The following PRKCE variants were observed in gnomAD, a reference collection of about 807,000 sequenced individuals.
PRKCE encodes the protein protein kinase C epsilon, also known as protein kinase C epsilon type.
In PRKCE, 16 loss-of-function variants were observed where a neutral mutation model predicts 85.4. That is an observed-to-expected ratio of 0.19 (90% CI 0.13 to 0.28). The LOEUF (loss-of-function observed/expected upper bound fraction) is 0.28. PRKCE is among the 10% of genes least tolerant of loss of function. PRKCE has a pLI of 1.00. For missense variants in PRKCE, 573 were observed against 975.2 expected (o/e 0.59, Z 5.49); for synonymous variants, 388 against 371.5 (o/e 1.04, Z -0.51).
rs147819871 is a variant in PRKCE at position 45,840,801 on chromosome 2, G to T, written c.349-2199G>T. ...TCCTGGATTGTGTGTGGGGTGAGAC[G>T]TTGGGAGAGTTTGGAGAACACCATT... On this transcript the variant is annotated intron_variant, in intron 1 of 14. Coordinates refer to ENST00000306156, the MANE Select transcript of PRKCE (RefSeq NM_005400.3). Among the ~76,000 whole-genome samples the T allele has an allele frequency of 3.3e-3, 504 of 152,318 alleles. 1 individual carries two copies. The highest frequency in any genetic ancestry group is 0.012 in the African/African-American group (479 of 41,560).
intron 10 of PRKCE, among the ~76,000 whole-genome samples, chr2:46,085,356 C>T (rs1215468721): frequency 6.6e-6 from 1 of 152,210 alleles, no homozygotes; most frequent in Non-Finnish European, 1.5e-5. Context: ...ACATTGCAAT[C>T]TATTGGTCTC....
intron 1 of PRKCE, among the ~76,000 whole-genome samples, chr2:45,825,876 A>C (rs993081697): frequency 6.6e-6 from 1 of 152,144 alleles, no homozygotes; most frequent in Non-Finnish European, 1.5e-5. Flanking sequence ...CAACAGAGCA[A>C]GATCCTATTT....
chr2:45,922,529 A>G lies in PRKCE; in HGVS notation c.413-53900A>G, dbSNP rs149159904. Among the ~76,000 whole-genome samples, 3 of 152,204 alleles carry G rather than the reference A, an allele frequency of 2.0e-5. No homozygotes were observed. In the East Asian group the frequency reaches 5.8e-4, roughly 29 times the overall value. On this transcript the variant is annotated intron_variant, in intron 2 of 14. Coordinates refer to ENST00000306156, the MANE Select transcript of PRKCE (RefSeq NM_005400.3). ...GTGCCTCATTTTGAATTCTTCCTTTAACTTTTGGATGACCCGCCACCTGCT... is the reference window on the plus strand; with the variant it reads ...GTGCCTCATTTTGAATTCTTCCTTTGACTTTTGGATGACCCGCCACCTGCT...
intron 4 of PRKCE, 56 bp downstream of exon 4, chr2:45,979,066 T>TAGGA: frequency 6.5e-7 from 1 of 1,535,006 alleles, no homozygotes; most frequent in Non-Finnish European, 8.9e-7. Context: ...TCCAGATCAC[T>TAGGA]GGCACCCATA....
intron 13 of PRKCE, among the ~76,000 whole-genome samples, chr2:46,158,217 G>T (rs1677408095): frequency 6.6e-6 from 1 of 152,192 alleles, no homozygotes; most frequent in African/African-American, 2.4e-5. Flanking sequence ...CAACAGAGGA[G>T]GGAATGTGGG....
intron 10 of PRKCE, among the ~76,000 whole-genome samples, chr2:46,038,773 T>C (rs1271826613): frequency 6.6e-6 from 1 of 151,674 alleles, no homozygotes; most frequent in African/African-American, 2.4e-5. Context: ...TAGCCATGCT[T>C]TATAATGATA....
At chr2:45,936,850 A>G (rs1699499415) in intron 2 of PRKCE, among the ~76,000 whole-genome samples, 1 of 152,130 alleles carries the variant, frequency 6.6e-6, no homozygotes, top group African/African-American at 2.4e-5. Context: ...AACCTACCGC[A>G]GGTATGTGTT....
intron 10 of PRKCE, among the ~76,000 whole-genome samples, chr2:46,055,240 A>G (rs922913217): frequency 1.3e-5 from 2 of 152,222 alleles, no homozygotes; most frequent in African/African-American, 4.8e-5. Context: ...AGATGCTGCC[A>G]CGGGGCCCTC....
At chr2:45,764,272 C>T (rs773107937) in intron 1 of PRKCE, among the ~76,000 whole-genome samples, 3 of 152,198 alleles carry the variant, frequency 2.0e-5, no homozygotes, top group Non-Finnish European at 2.9e-5. Context: ...TTAAGTTACA[C>T]TTCTGCAACA....
At chr2:45,995,247 C>A (rs762403315) in intron 6 of PRKCE, among the ~76,000 whole-genome samples, 3 of 151,788 alleles carry the variant, frequency 2.0e-5, no homozygotes, top group African/African-American at 7.3e-5. Flanking sequence ...TCTTTTTATT[C>A]TATTGGCAGT....
At chr2:45,931,697 G>C (rs896439845) in intron 2 of PRKCE, among the ~76,000 whole-genome samples, 1 of 152,068 alleles carries the variant, frequency 6.6e-6, no homozygotes, top group African/African-American at 2.4e-5. Context: ...TGGCTAGTGA[G>C]TATACAGGTG....
At chr2:45,894,715 C>T (rs1217801279) in intron 2 of PRKCE, among the ~76,000 whole-genome samples, 1 of 152,048 alleles carries the variant, frequency 6.6e-6, no homozygotes, top group Non-Finnish European at 1.5e-5. Context: ...TGTGTTTTGC[C>T]TTTTGTGTTT....
chr2:45,845,803 T>C (rs988754475), intron 2 of PRKCE: 1 of 152,224 alleles, frequency 6.6e-6, no homozygotes, highest in African/African-American at 2.4e-5. Context: ...AGTGTGTGTT[T>C]TGGCTAAACC....
chr2:45,726,044 T>A (rs980205712), intron 1 of PRKCE, among the ~76,000 whole-genome samples: 3 of 152,194 alleles, frequency 2.0e-5, no homozygotes, highest in African/African-American at 7.2e-5. Flanking sequence ...CCTGGCGATG[T>A]GACTGGATTG....
At chr2:45,842,009 A>G (rs1691390861) in intron 1 of PRKCE, among the ~76,000 whole-genome samples, 1 of 152,088 alleles carries the variant, frequency 6.6e-6, no homozygotes, top group Non-Finnish European at 1.5e-5. Context: ...GACAGATGGG[A>G]TTGTGGAGGC....
At chr2:45,884,818 A>C (rs1304179326) in intron 2 of PRKCE, among the ~76,000 whole-genome samples, 1 of 151,684 alleles carries the variant, frequency 6.6e-6, no homozygotes, top group Admixed American at 6.6e-5. Flanking sequence ...CCCTTTCTCC[A>C]ACCAGTTCTA....
intron 1 of PRKCE, among the ~76,000 whole-genome samples, chr2:45,744,085 C>T (rs1229323998): frequency 6.6e-6 from 1 of 151,514 alleles, no homozygotes; most frequent in Non-Finnish European, 1.5e-5. Flanking sequence ...TGGACCACCA[C>T]AAGCTGAGTA....
chr2:45,960,464 G>A (rs533129111), intron 2 of PRKCE, among the ~76,000 whole-genome samples: 4 of 152,196 alleles, frequency 2.6e-5, no homozygotes, highest in Admixed American at 6.5e-5. Flanking sequence ...GGAGTGGTGT[G>A]GGGGGCAGAA....
At chr2:46,056,770 A>G (rs182785994) in intron 10 of PRKCE, among the ~76,000 whole-genome samples, 46 of 152,310 alleles carry the variant, frequency 3.0e-4, no homozygotes, top group Admixed American at 6.5e-5. Context: ...TCTTATTCTT[A>G]AAGAGAGCCT....
Sources: gnomAD v4.1 joint callset for allele counts (sites outside exome capture counted in the v4.1 genomes callset) on GRCh38, gnomAD v4.1.1 for gene constraint, MANE v1.5 for transcripts, NCBI Gene and HGNC (gene_info 2026-07-23, HGNC 2026-07-21) for gene names.